Variants in HAT1 observed in about 807,000 individuals in gnomAD.
The protein encoded by HAT1 is histone acetyltransferase type B catalytic subunit.
In HAT1, 20 loss-of-function variants were observed where a neutral mutation model predicts 56.6. The observed-to-expected ratio is 0.35, with a 90% confidence interval of 0.25 to 0.51. The LOEUF (loss-of-function observed/expected upper bound fraction) is 0.51, where lower values mean the gene tolerates loss of function less well. HAT1 is among the 20% of genes least tolerant of loss of function. The pLI is 0.95. For synonymous variants in HAT1, 146 were observed against 165.5 expected (o/e 0.88, Z 0.91); for missense variants, 408 against 504.3 (o/e 0.81, Z 1.83).
At chr2:171,944,652 CTG>C (rs754815578) in intron 2 of HAT1, among the ~76,000 whole-genome samples, 1 of 152,178 alleles carries the variant, frequency 6.6e-6, no homozygotes, top group African/African-American at 2.4e-5. Flanking sequence ...TGAGGGATGA[CTG>C]TACTTCATAT....
chr2:171,933,240 G>T (rs775398088), intron 2 of HAT1, among the ~76,000 whole-genome samples: 1 of 151,798 alleles, frequency 6.6e-6, no homozygotes, highest in Non-Finnish European at 1.5e-5. Context: ...TATTTTTTTT[G>T]TAGAGATGGA....
intron 4 of HAT1, among the ~76,000 whole-genome samples, chr2:171,956,336 A>C (rs1243540047): frequency 6.6e-6 from 1 of 152,032 alleles, no homozygotes; most frequent in Admixed American, 6.6e-5. Flanking sequence ...ACACGCACGC[A>C]TGCACACACA....
chr2:171,966,954 G>A lies in HAT1; in HGVS notation c.823+5G>A, dbSNP rs1461623895. ...CTACAGTTCTTGATATTACAGGTAT[G>A]TAAAATTTGATTTGTTACTGAAAGA... On this transcript the variant is annotated splice_donor_5th_base_variant and intron_variant, in intron 8 of 10. Transcript: ENST00000264108. 1 of 1,224,306 alleles carries A rather than the reference G, an allele frequency of 8.2e-7. No individual in the cohort carries two copies. The highest frequency in any genetic ancestry group is 2.0e-5 in the Admixed American group (1 of 50,998). The allele number at this position is 1,224,306 out of a possible 1,614,324, so 75.8% of individuals were successfully genotyped here.
At chr2:171,972,213 T>C (rs905373485) in intron 8 of HAT1, among the ~76,000 whole-genome samples, 1 of 99,270 alleles carries the variant, frequency 1.0e-5, no homozygotes, top group African/African-American at 3.6e-5. Flanking sequence ...GTTTTTCTTT[T>C]GTTTTTTTTT....
In HAT1 at chr2:171,976,268, A is replaced by G. The variant is rs1416749956; in HGVS notation, c.935A>G (p.Asp312Gly). Residue 312 changes from aspartate (D) to glycine (G), a missense_variant, in exon 9 of 11, where the codon GAT becomes GGT. Asp to Gly is a moderately conservative substitution (Grantham distance 94, BLOSUM62 -1). Coordinates refer to ENST00000264108, the MANE Select transcript of HAT1 (RefSeq NM_003642.4). The stretch of plus-strand genomic sequence containing the variant: ...AAATTAATGCAAGGATTCAATGAAG[A>G]TATGGTGATAGAGGCACAACAGAAG... ...REKLMQGFNE[D>G]MVIEAQQKFK... 1 of 1,596,024 alleles carries G rather than the reference A, an allele frequency of 6.3e-7. No homozygotes were observed. Among genetic ancestry groups the G allele is most frequent in the Non-Finnish European group, 8.5e-7 (1 of 1,169,752 alleles).
intron 4 of HAT1, among the ~76,000 whole-genome samples, chr2:171,960,262 A>T (rs770117945): frequency 4.6e-5 from 7 of 152,218 alleles, no homozygotes; most frequent in Non-Finnish European, 8.8e-5. Flanking sequence ...AGAGTAAGGA[A>T]CATTTTGGAG....
At chr2:171,954,244 T>C (rs907862018) in intron 4 of HAT1, among the ~76,000 whole-genome samples, 1 of 152,230 alleles carries the variant, frequency 6.6e-6, no homozygotes, top group South Asian at 2.1e-4. Context: ...TTTTACCTAG[T>C]GTGGAATCTA....
intron 2 of HAT1, among the ~76,000 whole-genome samples, chr2:171,932,554 G>A (rs1244039274): frequency 6.6e-6 from 1 of 152,036 alleles, no homozygotes; most frequent in Non-Finnish European, 1.5e-5. Context: ...GTTGCTTACA[G>A]TATTCCCCTG....
At chr2:171,931,681 A>G (rs1574034516) in intron 2 of HAT1, among the ~76,000 whole-genome samples, 2 of 151,908 alleles carry the variant, frequency 1.3e-5, no homozygotes, top group African/African-American at 2.4e-5. Context: ...CTCGGGGGGG[A>G]AAAACAGCCA....
rs1445915752 is a variant in HAT1, at chr2:171,983,591, T to G, written c.*239T>G. 1 of 317,670 alleles carries G rather than the reference T, an allele frequency of 3.1e-6. No homozygotes were observed. Among genetic ancestry groups the G allele is most frequent in the Non-Finnish European group, 5.7e-6 (1 of 174,764 alleles). 19.7% of individuals were successfully genotyped at this position (317,670 alleles called of 1,614,324 possible). On this transcript the variant is annotated 3_prime_UTR_variant, in exon 11 of 11. Coordinates refer to ENST00000264108, the MANE Select transcript of HAT1 (RefSeq NM_003642.4). ...TGAAATACTACTGCAATTGCTTCCC[T>G]TCTTAAACAGTATAATAAATGCTTA...
intron 8 of HAT1, among the ~76,000 whole-genome samples, chr2:171,971,068 G>A (rs1476234564): frequency 2.0e-5 from 3 of 151,968 alleles, no homozygotes; most frequent in Non-Finnish European, 4.4e-5. Flanking sequence ...GCGTGATGGT[G>A]GGCGCCCTGT....
chr2:171,966,500 C>T lies in HAT1; in HGVS notation c.703C>T (p.Arg235Trp), dbSNP rs916923861. ...TTACTATGTGTACCCAGACAAAACCCGGCCACGTGTAAGGTAATTGGCAGT... is the reference window on the plus strand; with the variant it reads ...TTACTATGTGTACCCAGACAAAACCTGGCCACGTGTAAGGTAATTGGCAGT... ...YNYYVYPDKT[R>W]PRVSQMLILT... The change falls in exon 7 of 11, where the codon CGG becomes TGG. Residue 235 changes from arginine to tryptophan, a missense_variant. Transcript: ENST00000264108. 3 of 1,537,568 alleles carry T rather than the reference C, an allele frequency of 2.0e-6. No individual in the cohort carries two copies. Among genetic ancestry groups the T allele is most frequent in the Non-Finnish European group, 2.7e-6 (3 of 1,110,242 alleles).
chr2:171,981,566 A>G (rs1437628959), intron 10 of HAT1, among the ~76,000 whole-genome samples: 2 of 152,212 alleles, frequency 1.3e-5, no homozygotes, highest in Non-Finnish European at 2.9e-5. Flanking sequence ...TTGCAGTGCA[A>G]CTGTATTTCC....
In HAT1 at chr2:171,983,561, GCTT is replaced by G; in HGVS notation, c.*212_*214del. On this transcript the variant is annotated 3_prime_UTR_variant, in exon 11 of 11. Coordinates refer to ENST00000264108, the MANE Select transcript of HAT1 (RefSeq NM_003642.4). ...TATATTGCATTTAAAGAAAGATAAA[GCTT>G]CTGAAATACTACTGCAATTGCTTCC... 2.7e-6 allele frequency: 1 copy of G among 369,334 alleles called. No individual in the cohort carries two copies. Among genetic ancestry groups the G allele is most frequent in the East Asian group, 4.1e-5 (1 of 24,634 alleles). The allele number at this position is 369,334 out of a possible 1,614,324, so 22.9% of individuals were successfully genotyped here. A position where few individuals can be genotyped will look rare whatever the true frequency, so the allele number is the denominator to read the frequency against.
intron 8 of HAT1, among the ~76,000 whole-genome samples, chr2:171,969,352 T>C (rs1052811791): frequency 2.0e-5 from 3 of 152,332 alleles, no homozygotes; most frequent in East Asian, 3.9e-4. Context: ...GAATTGTTTA[T>C]AACTTAGGTG....
At chr2:171,928,545 G>A (rs1296015543) in intron 2 of HAT1, among the ~76,000 whole-genome samples, 1 of 152,192 alleles carries the variant, frequency 6.6e-6, no homozygotes, top group East Asian at 1.9e-4. Flanking sequence ...GTCTCACGCT[G>A]TTGCTTGGGC....
At chr2:171,925,471 C>A in intron 1 of HAT1, 66 bp from the exon 2 acceptor site, 1 of 760,460 alleles carries the variant, frequency 1.3e-6, no homozygotes. Context: ...CTTATAATAA[C>A]CCTATTGCAG....
chr2:171,965,204 C>T (rs1009740033), intron 4 of HAT1, 134 bp from the exon 5 acceptor site: 10 of 592,492 alleles, frequency 1.7e-5, no homozygotes, highest in Middle Eastern at 4.5e-4. Flanking sequence ...TTTTCCAATT[C>T]GCTGTGTGTT....
chr2:171,954,691 AAGAG>A (rs1382087836), intron 4 of HAT1, among the ~76,000 whole-genome samples: 2 of 152,174 alleles, frequency 1.3e-5, no homozygotes, highest in Non-Finnish European at 2.9e-5. Flanking sequence ...ATCTCAAAAA[AAGAG>A]AGAGAGATGA....
Sources: gnomAD v4.1 joint callset for allele counts (sites outside exome capture counted in the v4.1 genomes callset) on GRCh38, gnomAD v4.1.1 for gene constraint, MANE v1.5 for transcripts, NCBI Gene and HGNC (gene_info 2026-07-23, HGNC 2026-07-21) for gene names.